The following RRBP1 variants were observed in gnomAD, a reference collection of about 807,000 sequenced individuals.
RRBP1 encodes ribosome binding protein 1, also known as ribosome-binding protein 1.
A neutral mutation model predicts 165.2 loss-of-function variants in RRBP1; 94 were observed. The ratio of observed to expected loss-of-function variants is 0.57; its 90% CI spans 0.48 to 0.68. The LOEUF is 0.68. Ranked by LOEUF, RRBP1 falls within the 30% of genes least tolerant of loss-of-function variation. The pLI is 0.00. For synonymous variants in RRBP1, 680 were observed against 714.5 expected (o/e 0.95, Z 0.77); for missense variants, 1,676 against 1,763.0 (o/e 0.95, Z 0.88).
intron 1 of RRBP1, among the ~76,000 whole-genome samples, chr20:17,681,232 C>T (rs2037177710): frequency 6.7e-6 from 1 of 148,482 alleles, no homozygotes; most frequent in Non-Finnish European, 1.5e-5. Flanking sequence ...GCGCCCTCGT[C>T]CCCCCGCCGG....
chr20:17,618,832 C>A (rs945827388), intron 19 of RRBP1, 153 bp from the exon 20 acceptor site: 1 of 639,510 alleles, frequency 1.6e-6, no homozygotes, highest in Non-Finnish European at 2.8e-6. Flanking sequence ...CAGGGCTCGC[C>A]AGGCTTCCTA....
intron 9 of RRBP1, 24 bp from the exon 10 acceptor site, chr20:17,627,706 G>A (rs761999983): frequency 1.3e-6 from 2 of 1,512,010 alleles, no homozygotes; most frequent in East Asian, 4.8e-5. Flanking sequence ...AGGGAAACGA[G>A]AAGTTAAGAG....
chr20:17,653,534 G>A (rs980381951), intron 3 of RRBP1, among the ~76,000 whole-genome samples: 2 of 152,186 alleles, frequency 1.3e-5, no homozygotes, highest in Admixed American at 6.5e-5. Flanking sequence ...CAGATCACAC[G>A]CCAAGAACAG....
chr20:17,667,039 G>C (rs2122481469), intron 2 of RRBP1, among the ~76,000 whole-genome samples: 1 of 152,324 alleles, frequency 6.6e-6, no homozygotes, highest in East Asian at 1.9e-4. Context: ...AGATTTCTAT[G>C]TGTATTTTAA....
intron 4 of RRBP1, among the ~76,000 whole-genome samples, chr20:17,642,294 G>A (rs1223847642): frequency 6.6e-6 from 1 of 152,190 alleles, no homozygotes; most frequent in African/African-American, 2.4e-5. Flanking sequence ...GGTACTCTGA[G>A]GACAGTGACC....
In RRBP1 at chr20:17,636,570, C is replaced by A. The variant is rs747638995; in HGVS notation, c.2337+7G>T. ...CTTCCCATGCCCCCGCCAGCCACTACACCCACCTTGCCCTGCAGCTGCTGC... is the reference window on the plus strand; with the variant it reads ...CTTCCCATGCCCCCGCCAGCCACTAAACCCACCTTGCCCTGCAGCTGCTGC... On this transcript the variant is annotated splice_region_variant and intron_variant, in intron 6 of 24. Coordinates refer to ENST00000377813, the MANE Select transcript of RRBP1 (RefSeq NM_001365613.2). The A allele has an allele frequency of 6.8e-6, 11 of 1,610,428 alleles. No individual in the cohort carries two copies. The African/African-American group carries it at 1.3e-4, about 20-fold the overall frequency.
rs1030079419 is a variant in RRBP1 at position 17,643,080 on chromosome 20, C to A, written c.1960G>T (p.Val654Phe). 6.2e-7 allele frequency: 1 copy of A among 1,614,110 alleles called. No individual in the cohort carries two copies. Among genetic ancestry groups the A allele is most frequent in the Non-Finnish European group, 8.5e-7 (1 of 1,180,022 alleles). ...AACACCATGCTCCCAACCGTGGAGA[C>A]CAGCGTCTTGTAGGGGAGGTAGAGA... ...GPLYLPYKTL[V>F]STVGSMVFNE... is the part of the protein sequence containing the mutation. Residue 654 changes from valine (V) to phenylalanine (F), a missense_variant, in exon 4 of 25, where the codon GTC becomes TTC. Val to Phe is a conservative substitution (Grantham distance 50). This residue lies in a region of RRBP1 where 1,184 missense variants were observed against 1,167.1 expected (regional missense o/e 1.01). Coordinates refer to ENST00000377813, the MANE Select transcript of RRBP1 (RefSeq NM_001365613.2). The surrounding 1 kb of genome is among the most constrained non-coding windows in gnomAD (Gnocchi z 4.3).
chr20:17,617,695 C>T (rs1377131961), intron 20 of RRBP1, among the ~76,000 whole-genome samples: 1 of 152,244 alleles, frequency 6.6e-6, no homozygotes, highest in Non-Finnish European at 1.5e-5. Flanking sequence ...CAGCACTGCC[C>T]TCTGGTGTTC....
In RRBP1 at chr20:17,662,641, G is replaced by T. The variant is rs575958495; in HGVS notation, c.-21-2113C>A. Among the ~76,000 whole-genome samples the T allele has an allele frequency of 7.9e-5, 12 of 152,294 alleles. No individual in the cohort carries two copies. The East Asian group carries it at 1.3e-3, about 17-fold the overall frequency. On this transcript the variant is annotated intron_variant, in intron 2 of 24. Transcript: ENST00000377813. ...GCACTCTCACGTTTGATCATCGAGGGAGGATACCAGGAACTGGCCTTCCGA... is the reference window on the plus strand; with the variant it reads ...GCACTCTCACGTTTGATCATCGAGGTAGGATACCAGGAACTGGCCTTCCGA...
chr20:17,657,554 G>A (rs1383170559), intron 3 of RRBP1, among the ~76,000 whole-genome samples: 2 of 137,676 alleles, frequency 1.5e-5, no homozygotes, highest in African/African-American at 2.7e-5. Context: ...TTAAAAACAA[G>A]AAAAGAAAAG....
chr20:17,652,357 T>C (rs1047167824), intron 3 of RRBP1, among the ~76,000 whole-genome samples: 2 of 152,066 alleles, frequency 1.3e-5, no homozygotes, highest in African/African-American at 4.8e-5. Flanking sequence ...AGGTGATAAT[T>C]TAAATGCTCC....
intron 16 of RRBP1, 70 bp downstream of exon 16, chr20:17,621,388 C>T (rs1483970032): frequency 8.2e-7 from 1 of 1,220,786 alleles, no homozygotes; most frequent in African/African-American, 1.5e-5. Flanking sequence ...CCTCCTGCCC[C>T]ATAGGCCCCG....
chr20:17,648,977 A>AG, intron 3 of RRBP1, among the ~76,000 whole-genome samples: 1 of 152,218 alleles, frequency 6.6e-6, no homozygotes, highest in Non-Finnish European at 1.5e-5. Context: ...CAGTGACCGG[A>AG]GTCCCAGCCT....
chr20:17,631,643 C>A (rs73898387), intron 8 of RRBP1, among the ~76,000 whole-genome samples: 2,631 of 152,340 alleles, frequency 0.017, 70 homozygotes, highest in African/African-American at 0.06. Context: ...AGATTCAGTT[C>A]TTCTAGAAGG....
At chr20:17,676,363 G>C (rs1049475067) in intron 2 of RRBP1, among the ~76,000 whole-genome samples, 2 of 152,300 alleles carry the variant, frequency 1.3e-5, no homozygotes, top group African/African-American at 2.4e-5. Flanking sequence ...GATAAACCGA[G>C]GTTTGTGGCC....
chr20:17,663,753 G>C (rs1246818060), intron 2 of RRBP1, among the ~76,000 whole-genome samples: 1 of 152,090 alleles, frequency 6.6e-6, no homozygotes, highest in Non-Finnish European at 1.5e-5. Flanking sequence ...TCAGCATTCC[G>C]GGAGATTTGC....
At chr20:17,628,097 C>G (rs1474952104) in intron 9 of RRBP1, among the ~76,000 whole-genome samples, 1 of 152,038 alleles carries the variant, frequency 6.6e-6, no homozygotes, top group Non-Finnish European at 1.5e-5. Flanking sequence ...CCTCAACCCC[C>G]AAGACCTCTT....
intron 17 of RRBP1, 117 bp downstream of exon 17, chr20:17,620,598 C>T (rs770102760): frequency 1.1e-5 from 9 of 840,972 alleles, no homozygotes; most frequent in East Asian, 7.9e-5. Context: ...CATAGGGTGT[C>T]GTGGAAAAGC....
chr20:17,668,185 C>T (rs1301662409), intron 2 of RRBP1, among the ~76,000 whole-genome samples: 1 of 152,170 alleles, frequency 6.6e-6, no homozygotes, highest in Non-Finnish European at 1.5e-5. Context: ...CACAGTTCTT[C>T]GAAAATGGCC....
Sources: gnomAD v4.1 joint callset for allele counts (sites outside exome capture counted in the v4.1 genomes callset) on GRCh38, gnomAD v4.1.1 for gene constraint, gnomAD v4.1.1 regional missense constraint, Gnocchi (gnomAD v3.1) non-coding constraint, MANE v1.5 for transcripts, NCBI Gene and HGNC (gene_info 2026-07-23, HGNC 2026-07-21) for gene names.